SLC44A3: variants seen among roughly 807,000 people sequenced by gnomAD.
The protein encoded by SLC44A3 is choline transporter-like protein 3.
A neutral mutation model predicts 75.4 loss-of-function variants in SLC44A3; 74 were observed. The observed-to-expected ratio is 0.98, with a 90% confidence interval of 0.81 to 1.19. The LOEUF is 1.19. SLC44A3 is among the 50% of genes most tolerant of loss of function. The probability of loss-of-function intolerance (pLI) is 0.00; values close to 1 mark genes in which losing one functional copy is unlikely to be tolerated. For missense variants in SLC44A3, 700 were observed against 778.6 expected (o/e 0.90, Z 1.20); for synonymous variants, 310 against 296.9 (o/e 1.04, Z -0.45).
At chr1:94,840,105 C>T in intron 7 of SLC44A3, 68 bp downstream of exon 7, 1 of 1,405,254 alleles carries the variant, frequency 7.1e-7, no homozygotes, top group Admixed American at 1.7e-5. Flanking sequence ...AAGTACAGAA[C>T]TTAAAAGTTG....
rs1661686609 is a variant in SLC44A3 at position 94,828,529 on chromosome 1, A to G, written c.452A>G (p.Asn151Ser). 1.2e-6 allele frequency: 2 copies of G among 1,613,926 alleles called. No homozygotes were observed. The highest frequency in any genetic ancestry group is 1.7e-6 in the Non-Finnish European group (2 of 1,179,922). Residue 151 changes from asparagine to serine, a missense_variant, in exon 5 of 15, where the codon AAC becomes AGC. Coordinates refer to ENST00000271227, the MANE Select transcript of SLC44A3 (RefSeq NM_001114106.3). ...FLCVYSLNSFNYTHSPKADSL... is the reference protein window; with the variant it reads ...FLCVYSLNSFSYTHSPKADSL... ...TGTGTTTATAGTTTGAATTCCTTCA[A>G]CTATACCCACAGTCCAAAAGCAGAC...
Position 94,839,742 on chromosome 1 carries a change from A to G in SLC44A3, c.671-206A>G, listed in dbSNP as rs1571223351. 1.3e-5 allele frequency among the ~76,000 whole-genome samples: 2 copies of G among 152,246 alleles called. 1 individual carries two copies. Among genetic ancestry groups the G allele is most frequent in the Middle Eastern group, 6.8e-3 (2 of 294 alleles). On this transcript the variant is annotated intron_variant, in intron 6 of 14. Transcript: ENST00000271227. ...TAGGACTTTCAGAGACAGGCTTACC[A>G]CACTTGATTGAATGGTGCATCAGAG...
At position 94,895,182 on chromosome 1, in the gene SLC44A3, C is replaced by T. The variant is rs1199920231; in HGVS notation, c.*260C>T. ...TATATGCATCAACTTACAAAGTACA[C>T]TATGTAAGAACTGAGGTAAGTTTGT... On this transcript the variant is annotated 3_prime_UTR_variant, in exon 15 of 15. Coordinates refer to ENST00000271227, the MANE Select transcript of SLC44A3 (RefSeq NM_001114106.3). 1.5e-5 allele frequency: 5 copies of T among 335,828 alleles called. No homozygotes were observed. In the East Asian group the frequency reaches 2.5e-4, roughly 16 times the overall value. 20.8% of individuals were successfully genotyped at this position (335,828 alleles called of 1,614,324 possible).
Position 94,864,876 on chromosome 1 carries a change from A to T in SLC44A3, c.1372A>T (p.Met458Leu). Reference protein sequence around the residue: ...VRIPRIIVMYMQNALKEQQHG... With the variant: ...VRIPRIIVMYLQNALKEQQHG... ...GATTCCGAGAATCATTGTCATGTAC[A>T]TGCAAAACGCACTGAAAGAACAGGT... Residue 458 changes from methionine to leucine, a missense_variant, in exon 11 of 15, where the codon ATG (methionine) becomes TTG (leucine). Transcript: ENST00000271227. The T allele has an allele frequency of 6.2e-7, 1 of 1,613,880 alleles. No homozygotes were observed. The highest frequency in any genetic ancestry group is 8.5e-7 in the Non-Finnish European group (1 of 1,179,868).
intron 11 of SLC44A3, among the ~76,000 whole-genome samples, chr1:94,865,288 G>A (rs898207690): frequency 1.3e-5 from 2 of 152,078 alleles, no homozygotes; most frequent in Non-Finnish European, 2.9e-5. Flanking sequence ...CATAAGATAG[G>A]AATAATATTT....
chr1:94,844,194 C>G (rs1664085229), intron 8 of SLC44A3, among the ~76,000 whole-genome samples: 1 of 152,076 alleles, frequency 6.6e-6, no homozygotes, highest in South Asian at 2.1e-4. Context: ...AAGAGGGGAA[C>G]CTAACTTACT....
At position 94,867,367 on chromosome 1, in the gene SLC44A3, T is replaced by C; in HGVS notation, c.1432T>C (p.Cys478Arg). Residue 478 changes from cysteine (C) to arginine (R), a missense_variant, in exon 12 of 15, where the codon TGC becomes CGC. By Grantham distance (180) the Cys-to-Arg change is radical (BLOSUM62 -3). Transcript: ENST00000271227. Reference sequence around the variant, plus strand: ...ATTGTCCAGGTACCTGTTCCGATGCTGCTACTGCTGTTTCTGGTGTCTTGA... The same window carrying C: ...ATTGTCCAGGTACCTGTTCCGATGCCGCTACTGCTGTTTCTGGTGTCTTGA... ...GALSRYLFRC[C>R]YCCFWCLDKY... 6.2e-7 allele frequency: 1 copy of C among 1,603,932 alleles called. No homozygotes were observed. The highest frequency in any genetic ancestry group is 8.5e-7 in the Non-Finnish European group (1 of 1,174,016).
rs764667211 is a variant in SLC44A3 at position 94,842,080 on chromosome 1, A to ATGAAG, written c.844_848dup (p.Cys283Ter). The stretch of plus-strand genomic sequence containing the variant: ...AGAATTGGACACAGAAAGGGAAAAT[A>ATGAAG]TGAAGTGCGTGCTGGGGTTTGCTAT... On this transcript the variant is annotated frameshift_variant, in exon 8 of 15. Coordinates refer to ENST00000271227, the MANE Select transcript of SLC44A3 (RefSeq NM_001114106.3). LOFTEE classifies it high-confidence loss of function. 12 of 1,613,566 alleles carry ATGAAG rather than the reference A, an allele frequency of 7.4e-6. No individual in the cohort carries two copies. The East Asian group carries it at 2.5e-4, about 33-fold the overall frequency.
rs57397808 is a variant in SLC44A3 at position 94,889,524 on chromosome 1, T to TCACACACACACACA, written c.1483-1589_1483-1576dup. On this transcript the variant is annotated intron_variant, in intron 12 of 14. Coordinates refer to ENST00000271227, the MANE Select transcript of SLC44A3 (RefSeq NM_001114106.3). Reference sequence around the variant, plus strand: ...GAGAAATCGTCTCATGTGAACATAATCACACACACACACACACACACACAC... The same window carrying TCACACACACACACA: ...GAGAAATCGTCTCATGTGAACATAATCACACACACACACACACACACACACACACACACACACAC... 8.1e-3 allele frequency among the ~76,000 whole-genome samples: 906 copies of TCACACACACACACA among 111,716 alleles called. 5 individuals carry two copies. Among genetic ancestry groups the TCACACACACACACA allele is most frequent in the African/African-American group, 0.023 (875 of 37,710 alleles). The allele number at this position is 111,716 out of a possible 152,430, so 73.3% of individuals were successfully genotyped here.
chr1:94,824,769 A>G (rs1661081921), intron 3 of SLC44A3, 134 bp downstream of exon 3: 2 of 1,081,296 alleles, frequency 1.8e-6, no homozygotes, highest in Non-Finnish European at 2.6e-6. Context: ...AAGGCTGTGT[A>G]TATAGTACAG....
intron 5 of SLC44A3, among the ~76,000 whole-genome samples, chr1:94,830,722 A>T (rs940884723): frequency 2.0e-5 from 3 of 152,204 alleles, no homozygotes; most frequent in Non-Finnish European, 1.5e-5. Flanking sequence ...GTAACTGTAG[A>T]TGTAACTACG....
In SLC44A3 at chr1:94,845,436, GGCTGT is replaced by G; in HGVS notation, c.1049_1053del (p.Val350AlafsTer20). ...TCATTTTCTTCTGGGTCCTCTGGGT[GGCTGT>G]GCTGCTGAGCCTGGGAACTGCAGGT... is the stretch of plus-strand genomic sequence containing the variant. On this transcript the variant is annotated frameshift_variant, in exon 9 of 15. Transcript: ENST00000271227. LOFTEE classifies it high-confidence loss of function. The G allele has an allele frequency of 6.2e-7, 1 of 1,613,146 alleles. No individual in the cohort carries two copies. Among genetic ancestry groups the G allele is most frequent in the Non-Finnish European group, 8.5e-7 (1 of 1,179,964 alleles).
intron 13 of SLC44A3, among the ~76,000 whole-genome samples, chr1:94,891,622 G>GAA (rs1670221667): frequency 1.3e-5 from 2 of 152,056 alleles, no homozygotes; most frequent in African/African-American, 4.8e-5. Flanking sequence ...AGAATATATG[G>GAA]AAAGAGTATT....
At chr1:94,867,234 G>A (rs1412505192) in intron 11 of SLC44A3, 97 bp from the exon 12 acceptor site, 5 of 988,500 alleles carry the variant, frequency 5.1e-6, no homozygotes, top group Non-Finnish European at 7.3e-6. Context: ...GTTTCCCCAG[G>A]TGCATAAGTA....
At chr1:94,878,071 A>G (rs1031732001) in intron 12 of SLC44A3, among the ~76,000 whole-genome samples, 2 of 152,084 alleles carry the variant, frequency 1.3e-5, no homozygotes, top group Non-Finnish European at 2.9e-5. Flanking sequence ...CGTCTCTACT[A>G]AAAATACAAA....
chr1:94,891,826 G>T (rs1369078248), intron 13 of SLC44A3, among the ~76,000 whole-genome samples: 1 of 152,072 alleles, frequency 6.6e-6, no homozygotes, highest in Non-Finnish European at 1.5e-5. Context: ...AGGAGGCTGA[G>T]GCAGGAGAAT....
At position 94,857,404 on chromosome 1, in the gene SLC44A3, C is replaced by T. The variant is rs146927866; in HGVS notation, c.1142C>T (p.Ser381Leu). ...KPLSGIRYMW[S>L]YHLIGLIWTS... ...CTTTCGGGCATTCGGTACATGTGGT[C>T]GTACCATTTAATTGGCCTCATCTGG... The change falls in exon 10 of 15, where the codon TCG becomes TTG. Residue 381 changes from serine (S) to leucine (L), a missense_variant. Ser to Leu is a moderately radical substitution (Grantham distance 145). Coordinates refer to ENST00000271227, the MANE Select transcript of SLC44A3 (RefSeq NM_001114106.3). 3.1e-5 allele frequency: 50 copies of T among 1,613,954 alleles called. No individual in the cohort carries two copies. The highest frequency in any genetic ancestry group is 6.7e-5 in the East Asian group (3 of 44,874).
At chr1:94,847,008 G>T (rs971216997) in intron 9 of SLC44A3, among the ~76,000 whole-genome samples, 3 of 152,254 alleles carry the variant, frequency 2.0e-5, no homozygotes, top group Non-Finnish European at 4.4e-5. Flanking sequence ...CTTCAGAGGT[G>T]CATAGGGGCA....
intron 12 of SLC44A3, among the ~76,000 whole-genome samples, chr1:94,884,530 A>C (rs1469328959): frequency 2.0e-5 from 3 of 152,094 alleles, no homozygotes; most frequent in Admixed American, 1.3e-4. Context: ...CAGTTTCTCA[A>C]GTTTGTTTTA....
Sources: allele counts gnomAD v4.1 joint callset (sites outside exome capture counted in the v4.1 genomes callset), GRCh38; gene constraint gnomAD v4.1.1; transcripts MANE v1.5; gene names NCBI Gene and HGNC (gene_info 2026-07-23, HGNC 2026-07-21).